The following XKR4 variants were observed in gnomAD, a reference collection of about 807,000 sequenced individuals.
XKR4 encodes the protein XK-related protein 4.
In XKR4, 12 loss-of-function variants were observed where a neutral mutation model predicts 53.9. The ratio of observed to expected loss-of-function variants is 0.22; its 90% CI spans 0.14 to 0.36. The LOEUF (loss-of-function observed/expected upper bound fraction) is 0.36. Among genes scored for constraint, XKR4 ranks in the 10% least tolerant of loss-of-function variants. The pLI, the probability that XKR4 is intolerant of heterozygous loss-of-function variation, is 1.00. For synonymous variants in XKR4, 354 were observed against 362.4 expected, an observed-to-expected ratio of 0.98 and a Z score of 0.26; for missense variants, 799 against 859.5, an observed-to-expected ratio of 0.93 and a Z score of 0.88.
At chr8:55,376,317 A>C (rs1301272825) in intron 2 of XKR4, among the ~76,000 whole-genome samples, 3 of 152,160 alleles carry the variant, frequency 2.0e-5, no homozygotes, top group African/African-American at 7.2e-5. Context: ...TGTCTTCCAC[A>C]TGGTTGAACT....
chr8:55,131,057 G>A (rs1403240515), intron 1 of XKR4, among the ~76,000 whole-genome samples: 1 of 152,076 alleles, frequency 6.6e-6, no homozygotes, highest in Non-Finnish European at 1.5e-5. Context: ...TACTCAGGAG[G>A]CTGAGGCAGG....
At chr8:55,351,387 T>C (rs1186379462) in intron 1 of XKR4, among the ~76,000 whole-genome samples, 3 of 152,216 alleles carry the variant, frequency 2.0e-5, no homozygotes, top group Admixed American at 1.3e-4. Flanking sequence ...TCAGATTAAC[T>C]GTGAGCTCAA....
chr8:55,289,567 AGGAGAG>A, intron 1 of XKR4, among the ~76,000 whole-genome samples: 2 of 84,198 alleles, frequency 2.4e-5, no homozygotes, highest in Non-Finnish European at 4.9e-5. Context: ...GAAGGAAGGA[AGGAGAG>A]AGAAAGGAAG....
chr8:55,382,271 G>A (rs1422708396), intron 2 of XKR4, among the ~76,000 whole-genome samples: 1 of 152,158 alleles, frequency 6.6e-6, no homozygotes, highest in African/African-American at 2.4e-5. Flanking sequence ...ATTGACCTGG[G>A]ACAAGATCAC....
chr8:55,364,451 C>T (rs1803944980), intron 2 of XKR4, among the ~76,000 whole-genome samples: 1 of 152,190 alleles, frequency 6.6e-6, no homozygotes, highest in African/African-American at 2.4e-5. Flanking sequence ...CTCCCCGATG[C>T]CCCTCAGGAC....
chr8:55,477,584 G>A (rs1247789066), intron 2 of XKR4, among the ~76,000 whole-genome samples: 1 of 152,128 alleles, frequency 6.6e-6, no homozygotes, highest in African/African-American at 2.4e-5. Context: ...GAGAGAAGAA[G>A]GCTTCAGATG....
intron 2 of XKR4, among the ~76,000 whole-genome samples, chr8:55,474,159 C>T (rs1717119694): frequency 6.6e-6 from 1 of 152,084 alleles, no homozygotes; most frequent in African/African-American, 2.4e-5. Context: ...ATCTTCCCAC[C>T]TCTGTCTCTC....
chr8:55,510,713 T>C (rs1269372651), intron 2 of XKR4, among the ~76,000 whole-genome samples: 3 of 152,220 alleles, frequency 2.0e-5, no homozygotes, highest in South Asian at 2.1e-4. Context: ...CAAGGTGATC[T>C]TCATCATATT....
At chr8:55,116,755 T>TC (rs1816314272) in intron 1 of XKR4, among the ~76,000 whole-genome samples, 1 of 152,176 alleles carries the variant, frequency 6.6e-6, no homozygotes, top group South Asian at 2.1e-4. Context: ...TAGGGTTCCC[T>TC]CCCCCATCTA....
At chr8:55,211,931 A>G (rs1490970073) in intron 1 of XKR4, among the ~76,000 whole-genome samples, 2 of 152,212 alleles carry the variant, frequency 1.3e-5, no homozygotes, top group Non-Finnish European at 1.5e-5. Flanking sequence ...TTAGGGAGAC[A>G]TAAGACATCA....
rs568408139 is a variant in XKR4 at position 55,410,671 on chromosome 8, A to C, written c.1006+52794A>C. On this transcript the variant is annotated intron_variant, in intron 2 of 2. Coordinates refer to ENST00000327381, the MANE Select transcript of XKR4 (RefSeq NM_052898.2). ...TGCCCCTGCCTGCCTCTCCCCCGGG[A>C]CCCTGATGGGCCTCCCTGCCCCAAT... 4.0e-3 allele frequency among the ~76,000 whole-genome samples: 599 copies of C among 150,564 alleles called. 2 individuals carry two copies. The highest frequency in any genetic ancestry group is 5.9e-3 in the Non-Finnish European group (399 of 67,676).
Position 55,240,880 on chromosome 8 carries a change from G to A in XKR4, c.807-116798G>A, listed in dbSNP as rs146893527. ...GAAAGCAACTCCAATATGAGAGACCGTCCTTATTTCCAGTGTTATACTCTG... is the reference window on the plus strand; with the variant it reads ...GAAAGCAACTCCAATATGAGAGACCATCCTTATTTCCAGTGTTATACTCTG... On this transcript the variant is annotated intron_variant, in intron 1 of 2. Coordinates refer to ENST00000327381, the MANE Select transcript of XKR4 (RefSeq NM_052898.2). Among the ~76,000 whole-genome samples the A allele has an allele frequency of 1.1e-4, 17 of 152,216 alleles. 1 individual carries two copies. In the East Asian group the frequency reaches 1.5e-3, roughly 14 times the overall value.
rs1457826107 is a variant in XKR4 at position 55,535,189 on chromosome 8, T to C, written c.*10962T>C. ...CCTGAAATAAAATGGGGACAAAAAGTGGTCTACCACCATGTGACTTATTTT... is the reference window on the plus strand; with the variant it reads ...CCTGAAATAAAATGGGGACAAAAAGCGGTCTACCACCATGTGACTTATTTT... On this transcript the variant is annotated 3_prime_UTR_variant, in exon 3 of 3. Coordinates refer to ENST00000327381, the MANE Select transcript of XKR4 (RefSeq NM_052898.2). 1 of 151,468 alleles carries C rather than the reference T, an allele frequency of 6.6e-6. No individual in the cohort carries two copies. Among genetic ancestry groups the C allele is most frequent in the East Asian group, 1.9e-4 (1 of 5,136 alleles). The allele number at this position is 151,468 out of a possible 1,614,324, so 9.4% of individuals were successfully genotyped here. A position where few individuals can be genotyped will look rare whatever the true frequency, so the allele number is the denominator to read the frequency against.
chr8:55,465,041 C>G (rs868787970), intron 2 of XKR4, among the ~76,000 whole-genome samples: 103 of 152,190 alleles, frequency 6.8e-4, no homozygotes, highest in African/African-American at 2.4e-3. Flanking sequence ...GAATCAATAA[C>G]ATGAAAATGG....
chr8:55,501,623 G>T (rs1367637690), intron 2 of XKR4, among the ~76,000 whole-genome samples: 1 of 152,112 alleles, frequency 6.6e-6, no homozygotes, highest in Non-Finnish European at 1.5e-5. Context: ...TGTAGCATGT[G>T]TCAGAATTTC....
In XKR4 at chr8:55,466,180, A is replaced by G. The variant is rs192569445; in HGVS notation, c.1007-57101A>G. ...ATAAATCATGCTGCTATAAAGACACATGCATATGTATGTTTATTGCGGCAC... is the reference window on the plus strand; with the variant it reads ...ATAAATCATGCTGCTATAAAGACACGTGCATATGTATGTTTATTGCGGCAC... On this transcript the variant is annotated intron_variant, in intron 2 of 2. Transcript: ENST00000327381. 7.9e-4 allele frequency among the ~76,000 whole-genome samples: 121 copies of G among 152,280 alleles called. 1 individual carries two copies. Among genetic ancestry groups the G allele is most frequent in the African/African-American group, 2.8e-3 (117 of 41,520 alleles).
intron 1 of XKR4, among the ~76,000 whole-genome samples, chr8:55,341,458 A>G (rs1408142028): frequency 6.6e-6 from 1 of 152,174 alleles, no homozygotes; most frequent in African/African-American, 2.4e-5. Flanking sequence ...CTACAGGACC[A>G]CAGGCAGAGA....
intron 1 of XKR4, among the ~76,000 whole-genome samples, chr8:55,174,200 G>A (rs1034074325): frequency 6.6e-6 from 1 of 152,020 alleles, no homozygotes; most frequent in Admixed American, 6.6e-5. Context: ...CTGTTTCATG[G>A]CAGACTTTTT....
chr8:55,362,804 T>C (rs944465228), intron 2 of XKR4, among the ~76,000 whole-genome samples: 2 of 152,230 alleles, frequency 1.3e-5, no homozygotes, highest in African/African-American at 4.8e-5. Context: ...TACAGACAAC[T>C]GTCCACAGCC....
Sources: allele counts gnomAD v4.1 joint callset (sites outside exome capture counted in the v4.1 genomes callset), GRCh38; gene constraint gnomAD v4.1.1; transcripts MANE v1.5; gene names NCBI Gene and HGNC (gene_info 2026-07-23, HGNC 2026-07-21).